The following CSNK1G1 variants were observed in gnomAD, a reference collection of about 807,000 sequenced individuals.
CSNK1G1 encodes the protein casein kinase I isoform gamma-1.
A neutral mutation model predicts 59.6 loss-of-function variants in CSNK1G1; 22 were observed. The ratio of observed to expected loss-of-function variants is 0.37; its 90% CI spans 0.26 to 0.53. The LOEUF is 0.53. Among genes scored for constraint, CSNK1G1 ranks in the 20% least tolerant of loss-of-function variants. CSNK1G1 has a pLI of 0.89. For synonymous variants in CSNK1G1, 179 were observed against 177.1 expected (o/e 1.01, Z -0.08); for missense variants, 384 against 519.5 (o/e 0.74, Z 2.54).
At chr15:64,195,704 T>G (rs1380450474) in intron 10 of CSNK1G1, among the ~76,000 whole-genome samples, 1 of 152,022 alleles carries the variant, frequency 6.6e-6, no homozygotes, top group Non-Finnish European at 1.5e-5. Context: ...ACTATTAAGG[T>G]TTTCATCCCC....
At chr15:64,342,253 T>C (rs1379128554) in intron 1 of CSNK1G1, among the ~76,000 whole-genome samples, 1 of 152,216 alleles carries the variant, frequency 6.6e-6, no homozygotes, top group Non-Finnish European at 1.5e-5. Context: ...ACTTCAGAAG[T>C]AACCTTCCTT....
intron 1 of CSNK1G1, among the ~76,000 whole-genome samples, chr15:64,324,597 C>T (rs1213299786): frequency 6.6e-6 from 1 of 152,258 alleles, no homozygotes; most frequent in East Asian, 1.9e-4. Context: ...TGCTTCCCTA[C>T]TTTTGAGGTT....
intron 1 of CSNK1G1, among the ~76,000 whole-genome samples, chr15:64,316,159 TGG>T (rs1184823788): frequency 6.6e-6 from 1 of 151,966 alleles, no homozygotes; most frequent in East Asian, 1.9e-4. Flanking sequence ...CTCAAAGCAC[TGG>T]GATTAAAAAC....
At chr15:64,322,496 T>TA (rs1896617564) in intron 1 of CSNK1G1, among the ~76,000 whole-genome samples, 1 of 151,868 alleles carries the variant, frequency 6.6e-6, no homozygotes, top group South Asian at 2.1e-4. Flanking sequence ...AGCCGCCATG[T>TA]CTGGCCCAAA....
intron 1 of CSNK1G1, among the ~76,000 whole-genome samples, chr15:64,354,974 A>G (rs745453455): frequency 1.3e-5 from 2 of 152,210 alleles, no homozygotes; most frequent in Non-Finnish European, 2.9e-5. Context: ...GAAAATTCAC[A>G]TATCTGTTCT....
intron 4 of CSNK1G1, among the ~76,000 whole-genome samples, chr15:64,242,983 A>T (rs1337833165): frequency 6.6e-6 from 1 of 152,164 alleles, no homozygotes; most frequent in Non-Finnish European, 1.5e-5. Context: ...AAACCGTATG[A>T]TCATCTCAAT....
intron 2 of CSNK1G1, among the ~76,000 whole-genome samples, chr15:64,283,854 GT>G (rs1343079681): frequency 1.3e-5 from 2 of 152,036 alleles, no homozygotes; most frequent in African/African-American, 4.8e-5. Context: ...CAATTTATCT[GT>G]TTTTTTCTTC....
At chr15:64,288,348 A>G (rs2140379888) in intron 2 of CSNK1G1, among the ~76,000 whole-genome samples, 1 of 152,272 alleles carries the variant, frequency 6.6e-6, no homozygotes, top group Non-Finnish European at 1.5e-5. Context: ...GTCATTAGGG[A>G]TGGCATCTGT....
At chr15:64,180,886 C>G (rs1423191866) in intron 10 of CSNK1G1, among the ~76,000 whole-genome samples, 1 of 152,200 alleles carries the variant, frequency 6.6e-6, no homozygotes, top group Admixed American at 6.5e-5. Context: ...TTAAAAATAA[C>G]TGCATGGCTG....
In CSNK1G1 at chr15:64,170,017, C is replaced by T. The variant is rs2081646676; in HGVS notation, c.*1914G>A. On this transcript the variant is annotated 3_prime_UTR_variant, in exon 12 of 12. Transcript: ENST00000303052. ...CTGCACCTCAAACCAGAGGTGAAGA[C>T]TTCTATGGTCCACAAACCATCAGAC... is the stretch of plus-strand genomic sequence containing the variant. 1 of 152,236 alleles carries T rather than the reference C, an allele frequency of 6.6e-6. No homozygotes were observed. Among genetic ancestry groups the T allele is most frequent in the South Asian group, 2.1e-4 (1 of 4,832 alleles). The allele number at this position is 152,236 out of a possible 1,614,324, so 9.4% of individuals were successfully genotyped here.
In CSNK1G1 at chr15:64,214,154, G is replaced by T; in HGVS notation, c.445-30C>A. 2 of 1,468,452 alleles carry T rather than the reference G, an allele frequency of 1.4e-6. No homozygotes were observed. The highest frequency in any genetic ancestry group is 1.9e-6 in the Non-Finnish European group (2 of 1,047,828). The allele number at this position is 1,468,452 out of a possible 1,614,324, so 91.0% of individuals were successfully genotyped here. ...AAGAGAAACAAATGATAGAAAGACT[G>T]TAAAGAAGTATATCAGGAAAATACA... On this transcript the variant is annotated intron_variant, in intron 5 of 11. Transcript: ENST00000303052. This position sits in a 1 kb window ranked among gnomAD's most constrained non-coding sequence, Gnocchi z 4.3.
At chr15:64,255,364 C>T (rs1892320308) in intron 3 of CSNK1G1, among the ~76,000 whole-genome samples, 1 of 152,138 alleles carries the variant, frequency 6.6e-6, no homozygotes, top group Admixed American at 6.5e-5. Context: ...CATGAGCCAC[C>T]ACACCCCGCC....
chr15:64,341,516 A>C (rs944956830), intron 1 of CSNK1G1, among the ~76,000 whole-genome samples: 1 of 152,204 alleles, frequency 6.6e-6, no homozygotes, highest in Admixed American at 6.6e-5. Context: ...CCTGTCACTC[A>C]GGCTGGAGTG....
At chr15:64,280,223 A>G (rs1894050191) in intron 2 of CSNK1G1, among the ~76,000 whole-genome samples, 1 of 152,108 alleles carries the variant, frequency 6.6e-6, no homozygotes, top group Admixed American at 6.6e-5. Flanking sequence ...AAGGGTAATA[A>G]GCTTATCAAA....
intron 1 of CSNK1G1, among the ~76,000 whole-genome samples, chr15:64,340,296 T>C (rs965145200): frequency 1.3e-5 from 2 of 152,232 alleles, no homozygotes; most frequent in African/African-American, 4.8e-5. Context: ...ATGTTCTATA[T>C]TCACCCAATA....
chr15:64,272,928 T>A (rs1893401663), intron 2 of CSNK1G1, among the ~76,000 whole-genome samples: 1 of 152,068 alleles, frequency 6.6e-6, no homozygotes, highest in East Asian at 1.9e-4. Flanking sequence ...GGTCTCAAAC[T>A]CCTGTGCTCA....
chr15:64,285,557 A>G (rs1483261352), intron 2 of CSNK1G1, among the ~76,000 whole-genome samples: 2 of 152,208 alleles, frequency 1.3e-5, no homozygotes, highest in Non-Finnish European at 2.9e-5. Context: ...CTCAAAAAGG[A>G]CCCTACTCTG....
At chr15:64,241,509 C>T (rs949271035) in intron 4 of CSNK1G1, among the ~76,000 whole-genome samples, 9 of 152,148 alleles carry the variant, frequency 5.9e-5, no homozygotes, top group African/African-American at 2.2e-4. Flanking sequence ...AGAGTATATA[C>T]TTTTCATCAG....
chr15:64,350,223 G>C (rs963695164), intron 1 of CSNK1G1, among the ~76,000 whole-genome samples: 1 of 152,114 alleles, frequency 6.6e-6, no homozygotes, highest in Non-Finnish European at 1.5e-5. Context: ...GCTGGTCGCG[G>C]TGGCTCACAC....
Sources: allele counts gnomAD v4.1 joint callset (sites outside exome capture counted in the v4.1 genomes callset), GRCh38; gene constraint gnomAD v4.1.1; non-coding constraint Gnocchi (gnomAD v3.1); transcripts MANE v1.5; gene names NCBI Gene and HGNC (gene_info 2026-07-23, HGNC 2026-07-21).